Variants in TTC14 observed in about 807,000 individuals in gnomAD.
TTC14 encodes tetratricopeptide repeat domain 14, also known as tetratricopeptide repeat protein 14.
A neutral mutation model predicts 79.9 loss-of-function variants in TTC14; 63 were observed. The ratio of observed to expected loss-of-function variants is 0.79; its 90% confidence interval spans 0.64 to 0.97. TTC14 has a LOEUF of 0.97. Ranked by LOEUF, TTC14 falls within the 50% of genes least tolerant of loss-of-function variation. The pLI, the probability that TTC14 is intolerant of heterozygous loss-of-function variation, is 0.00. For synonymous variants in TTC14, 335 were observed against 309.6 expected, an observed-to-expected ratio of 1.08 and a Z score of -0.86; for missense variants, 895 against 894.0, an observed-to-expected ratio of 1.00 and a Z score of -0.01.
chr3:180,608,248 T>C (rs2108396063), intron 10 of TTC14: 1 of 989,126 alleles, frequency 1.0e-6, no homozygotes, highest in East Asian at 1.1e-4. Flanking sequence ...TGCATCCAAC[T>C]GGGCTGTGCT....
At chr3:180,614,797 C>G, downstream of TTC14, 1 of 738,634 alleles carries the variant, frequency 1.4e-6, no homozygotes, top group Non-Finnish European at 2.1e-6. Flanking sequence ...TTAAAACTAT[C>G]AGTTTTTACA....
At chr3:180,611,410 T>C (rs1716993710), downstream of TTC14, among the ~76,000 whole-genome samples, 1 of 152,228 alleles carries the variant, frequency 6.6e-6, no homozygotes. Flanking sequence ...TCTCCTAGTG[T>C]AGCAGATGTT....
At chr3:180,603,917 T>G (rs911881630) in intron 3 of TTC14, 2 of 308,136 alleles carry the variant, frequency 6.5e-6, no homozygotes, top group African/African-American at 4.4e-5. Flanking sequence ...TCATTTTCAC[T>G]GGAATCCTTA....
At chr3:180,603,353 C>A in intron 3 of TTC14, 30 bp downstream of exon 3, 2 of 1,589,500 alleles carry the variant, frequency 1.3e-6, no homozygotes, top group Non-Finnish European at 1.7e-6. Flanking sequence ...TGGATTGCTT[C>A]TGTTTTTGTT....
At chr3:180,609,425 T>C (rs1682010657) in intron 11 of TTC14, 1 of 1,264,216 alleles carries the variant, frequency 7.9e-7, no homozygotes, top group African/African-American at 1.5e-5. Context: ...ATGGATTTGC[T>C]TACAATGATA....
intron 12 of TTC14, chr3:180,616,479 GTTT>G: frequency 3.3e-6 from 5 of 1,505,490 alleles, no homozygotes; most frequent in Non-Finnish European, 4.4e-6. Flanking sequence ...TTTTCATGAA[GTTT>G]TTAAGAAATA....
downstream of TTC14, chr3:180,611,219 C>T: frequency 1.1e-6 from 1 of 945,728 alleles, no homozygotes; most frequent in Non-Finnish European, 1.3e-6. Flanking sequence ...TTATTTTTTA[C>T]CTCATTGCTA....
intron 11 of TTC14, chr3:180,609,310 C>T: frequency 1.0e-6 from 1 of 989,952 alleles, no homozygotes; most frequent in Non-Finnish European, 1.2e-6. Flanking sequence ...GGTGAAGAAA[C>T]CATGAACTAG....
chr3:180,606,128 GAGTACTCTGAAAACTAAATATT>G, intron 7 of TTC14, 103 bp from the exon 8 acceptor site: 1 of 1,329,418 alleles, frequency 7.5e-7, no homozygotes, highest in East Asian at 2.4e-5. Flanking sequence ...GGTATATTGT[GAGTACTCTGAAAACTAAATATT>G]TTGCCAAGTT....
intron 11 of TTC14, 124 bp from the exon 12 acceptor site, chr3:180,609,506 T>C: frequency 7.5e-7 from 1 of 1,337,792 alleles, no homozygotes; most frequent in East Asian, 2.8e-5. Flanking sequence ...GCCGAGATTA[T>C]TGTATCATTT....
chr3:180,603,571 A>T (rs1323717190), intron 3 of TTC14: 1 of 480,782 alleles, frequency 2.1e-6, no homozygotes, highest in Non-Finnish European at 3.8e-6. Context: ...CTAAATGCTC[A>T]AAGAGGTATC....
At chr3:180,613,931 C>T (rs1288174418), downstream of TTC14, 1 of 435,830 alleles carries the variant, frequency 2.3e-6, no homozygotes, top group East Asian at 7.0e-5. Flanking sequence ...GAAAGAAGTA[C>T]AAACAACAGT....
rs575420162 is a variant in TTC14, at chr3:180,609,754, C to T, written c.1525C>T (p.Arg509Cys). The T allele has an allele frequency of 6.2e-6, 10 of 1,613,882 alleles. No homozygotes were observed. Among genetic ancestry groups the T allele is most frequent in the East Asian group, 4.5e-5 (2 of 44,854 alleles). ...HKRHKKHKRN[R>C]SESSRSSRRH... ...AAGGCATAAGAAACATAAGAGGAACCGTTCAGAGTCTTCTCGCAGTTCCAG... is the reference window on the plus strand; with the variant it reads ...AAGGCATAAGAAACATAAGAGGAACTGTTCAGAGTCTTCTCGCAGTTCCAG... Residue 509 changes from arginine to cysteine, a missense_variant, in exon 12 of 12, where the codon CGT (arginine) becomes TGT (cysteine). Arg to Cys is a radical substitution (Grantham distance 180, BLOSUM62 -3). Coordinates refer to ENST00000296015, the MANE Select transcript of TTC14 (RefSeq NM_133462.4).
chr3:180,602,538 C>G (rs2108388433), intron 1 of TTC14, 116 bp downstream of exon 1: 2 of 1,349,658 alleles, frequency 1.5e-6, no homozygotes, highest in Non-Finnish European at 2.0e-6. Flanking sequence ...GAGCACAGGA[C>G]GATCGCGCGC....
chr3:180,608,484 A>G (rs1716814968), intron 10 of TTC14: 2 of 1,077,104 alleles, frequency 1.9e-6, no homozygotes, highest in South Asian at 4.0e-5. Flanking sequence ...CAACTGCAAT[A>G]TGGTCCTCAA....
At chr3:180,616,186 G>T in intron 12 of TTC14, 3 of 985,238 alleles carry the variant, frequency 3.0e-6, no homozygotes, top group South Asian at 2.7e-5. Flanking sequence ...GAGTGCATGG[G>T]CCTGCCTAAC....
intron 11 of TTC14, chr3:180,609,326 G>A: frequency 9.7e-7 from 1 of 1,025,700 alleles, no homozygotes; most frequent in Non-Finnish European, 1.2e-6. Flanking sequence ...ACTAGAGGTA[G>A]CCAAATAAAA....
chr3:180,607,801 T>C, intron 10 of TTC14, 36 bp downstream of exon 10: 1 of 1,597,786 alleles, frequency 6.3e-7, no homozygotes, highest in Non-Finnish European at 8.5e-7. Context: ...TTTAGTGATA[T>C]TTGAAATAAT....
chr3:180,604,405 G>C, intron 4 of TTC14, 73 bp from the exon 5 acceptor site: 4 of 1,546,094 alleles, frequency 2.6e-6, no homozygotes, highest in Non-Finnish European at 3.5e-6. Flanking sequence ...TAGTGTTTGG[G>C]AAAGTTTATA....
Sources: allele counts gnomAD v4.1 joint callset (sites outside exome capture counted in the v4.1 genomes callset), GRCh38; gene constraint gnomAD v4.1.1; transcripts MANE v1.5; gene names NCBI Gene and HGNC (gene_info 2026-07-23, HGNC 2026-07-21).